Variants in GABRB2 observed in about 807,000 individuals in gnomAD.
The protein encoded by GABRB2 is gamma-aminobutyric acid receptor subunit beta-2.
A neutral mutation model predicts 54.7 loss-of-function variants in GABRB2; 16 were observed. That is an observed-to-expected ratio of 0.29 (90% CI 0.20 to 0.44). The LOEUF (loss-of-function observed/expected upper bound fraction) is 0.44, where lower values mean the gene tolerates loss of function less well. GABRB2 is among the 20% of genes least tolerant of loss of function. GABRB2 has a pLI of 1.00. For missense variants in GABRB2, 355 were observed against 644.0 expected, an observed-to-expected ratio of 0.55 and a Z score of 4.86; for synonymous variants, 244 against 233.8, an observed-to-expected ratio of 1.04 and a Z score of -0.40.
chr5:161,474,389 T>C (rs528624776), intron 3 of GABRB2, among the ~76,000 whole-genome samples: 1 of 151,998 alleles, frequency 6.6e-6, no homozygotes, highest in Non-Finnish European at 1.5e-5. Flanking sequence ...TTCCTATGTT[T>C]CCCATTCTTT....
Position 161,438,421 on chromosome 5 carries a change from G to A in GABRB2, c.458+21203C>T, listed in dbSNP as rs1002739940. Among the ~76,000 whole-genome samples, 6 of 152,236 alleles carry A rather than the reference G, an allele frequency of 3.9e-5. No homozygotes were observed. The South Asian group carries it at 1.2e-3, about 32-fold the overall frequency. On this transcript the variant is annotated intron_variant, in intron 4 of 9. Transcript: ENST00000393959. ...AAACATCTGGAAAGCCTCCCCAAGA[G>A]AGACAGCTACAAATAAGTCCAGACA...
chr5:161,409,591 CTT>C lies in GABRB2; in HGVS notation c.541+1382_541+1383del, dbSNP rs1419308591. Among the ~76,000 whole-genome samples, 5 of 152,150 alleles carry C rather than the reference CTT, an allele frequency of 3.3e-5. No homozygotes were observed. In the East Asian group the frequency reaches 9.7e-4, roughly 30 times the overall value. On this transcript the variant is annotated intron_variant, in intron 5 of 9. Coordinates refer to ENST00000393959, the MANE Select transcript of GABRB2 (RefSeq NM_001371727.1). ...AATAATTTTCCCACAAAAAAATGCT[CTT>C]ATGTTCTCTCTGGCAGCATATATAC... is the stretch of plus-strand genomic sequence containing the variant.
chr5:161,463,590 T>TATATAG (rs1758192755), intron 3 of GABRB2, among the ~76,000 whole-genome samples: 1 of 112,786 alleles, frequency 8.9e-6, no homozygotes, highest in Non-Finnish European at 1.9e-5. Flanking sequence ...TATATATATA[T>TATATAG]ATATATATAT....
intron 4 of GABRB2, among the ~76,000 whole-genome samples, chr5:161,457,091 A>G (rs1757977157): frequency 6.6e-6 from 1 of 152,208 alleles, no homozygotes; most frequent in African/African-American, 2.4e-5. Flanking sequence ...TGCCCATTGA[A>G]GCTGGAATTG....
intron 5 of GABRB2, among the ~76,000 whole-genome samples, chr5:161,365,420 T>C (rs953196232): frequency 1.3e-5 from 2 of 152,206 alleles, no homozygotes; most frequent in South Asian, 2.1e-4. Flanking sequence ...TTTTGTAATA[T>C]ACATTTCAAT....
intron 3 of GABRB2, among the ~76,000 whole-genome samples, chr5:161,508,253 G>A (rs1759668265): frequency 6.6e-6 from 1 of 150,486 alleles, no homozygotes; most frequent in Non-Finnish European, 1.5e-5. Context: ...AATTTATTAA[G>A]AGCTTATGGT....
At chr5:161,496,479 GT>G (rs1378620188) in intron 3 of GABRB2, among the ~76,000 whole-genome samples, 1 of 150,768 alleles carries the variant, frequency 6.6e-6, no homozygotes, top group African/African-American at 2.4e-5. Context: ...TAAATATATA[GT>G]TATCTGTCAA....
intron 3 of GABRB2, among the ~76,000 whole-genome samples, chr5:161,509,442 A>C (rs1759699961): frequency 6.6e-6 from 1 of 151,920 alleles, no homozygotes; most frequent in African/African-American, 2.4e-5. Flanking sequence ...CATTTTCTGC[A>C]TGAGGAAAAT....
intron 3 of GABRB2, among the ~76,000 whole-genome samples, chr5:161,505,643 A>G (rs963336276): frequency 1.3e-5 from 2 of 152,212 alleles, no homozygotes; most frequent in Non-Finnish European, 2.9e-5. Context: ...AAAATTTAAA[A>G]TCAGTTAATA....
intron 3 of GABRB2, among the ~76,000 whole-genome samples, chr5:161,534,437 C>T (rs986021059): frequency 3.3e-5 from 5 of 152,166 alleles, no homozygotes; most frequent in Non-Finnish European, 7.4e-5. Context: ...CTCTGACTTA[C>T]ATTCTTGTAG....
intron 9 of GABRB2, among the ~76,000 whole-genome samples, chr5:161,306,347 G>T (rs1757690126): frequency 6.6e-6 from 1 of 152,194 alleles, no homozygotes; most frequent in Admixed American, 6.5e-5. Context: ...GACTGAAAAA[G>T]AATTTCTAAG....
chr5:161,336,463 G>A (rs1753996085), intron 6 of GABRB2, among the ~76,000 whole-genome samples, 169 bp downstream of exon 6: 1 of 152,144 alleles, frequency 6.6e-6, no homozygotes, highest in South Asian at 2.1e-4. Flanking sequence ...GAAAATAATA[G>A]TATGGGTCCC....
intron 4 of GABRB2, among the ~76,000 whole-genome samples, chr5:161,438,200 G>A (rs763039192): frequency 3.9e-5 from 6 of 152,192 alleles, no homozygotes; most frequent in Non-Finnish European, 7.3e-5. Flanking sequence ...TAAGAACAGA[G>A]AAAGAGACTT....
intron 9 of GABRB2, among the ~76,000 whole-genome samples, chr5:161,297,785 T>G (rs1213069113): frequency 6.6e-6 from 1 of 152,228 alleles, no homozygotes; most frequent in African/African-American, 2.4e-5. Flanking sequence ...TATATTCTTT[T>G]GAGTATATAC....
chr5:161,529,379 A>T (rs2113450512), intron 3 of GABRB2, among the ~76,000 whole-genome samples: 1 of 152,098 alleles, frequency 6.6e-6, no homozygotes, highest in Middle Eastern at 3.4e-3. Flanking sequence ...AGGCGATTCC[A>T]TTTGAAAATT....
intron 3 of GABRB2, among the ~76,000 whole-genome samples, chr5:161,476,364 C>T (rs753205576): frequency 1.4e-4 from 21 of 151,808 alleles, no homozygotes; most frequent in South Asian, 2.1e-4. Flanking sequence ...ACACTACCCA[C>T]GGTAAACTAC....
chr5:161,336,564 A>G (rs2113407963), intron 6 of GABRB2, 68 bp downstream of exon 6: 2 of 1,551,938 alleles, frequency 1.3e-6, no homozygotes, highest in Non-Finnish European at 1.8e-6. Flanking sequence ...GAACTCTAAT[A>G]TAAGTGAACA....
chr5:161,356,758 G>GAAACGCAGAGAAAT (rs1754642858), intron 5 of GABRB2, among the ~76,000 whole-genome samples: 1 of 152,130 alleles, frequency 6.6e-6, no homozygotes. Flanking sequence ...TGCAGAGAAA[G>GAAACGCAGAGAAAT]AAACACAGAG....
intron 5 of GABRB2, among the ~76,000 whole-genome samples, chr5:161,397,413 G>A (rs904648396): frequency 6.6e-6 from 1 of 152,112 alleles, no homozygotes; most frequent in African/African-American, 2.4e-5. Flanking sequence ...CTTTATGTAA[G>A]TGTTTTAAGT....
Sources: gnomAD v4.1 joint callset for allele counts (sites outside exome capture counted in the v4.1 genomes callset) on GRCh38, gnomAD v4.1.1 for gene constraint, MANE v1.5 for transcripts, NCBI Gene and HGNC (gene_info 2026-07-23, HGNC 2026-07-21) for gene names.